The following LRRC20 variants were observed in gnomAD, a reference collection of about 807,000 sequenced individuals.
LRRC20 encodes the protein leucine rich repeat containing 20.
LRRC20 carries 11 observed loss-of-function variants against 14.4 expected under a neutral mutation model. The observed-to-expected ratio is 0.77, with a 90% CI of 0.48 to 1.27. The LOEUF is 1.27. LRRC20 is among the 50% of genes most tolerant of loss of function. LRRC20 has a pLI of 0.00. For synonymous variants in LRRC20, 121 were observed against 107.3 expected (o/e 1.13, Z -0.79); for missense variants, 219 against 251.2 (o/e 0.87, Z 0.87).
At chr10:70,334,807 C>T (rs1032086922) in intron 3 of LRRC20, among the ~76,000 whole-genome samples, 6 of 152,212 alleles carry the variant, frequency 3.9e-5, no homozygotes, top group Admixed American at 2.6e-4. Flanking sequence ...GCGTGGCCCC[C>T]TCTGGCACCA....
chr10:70,326,385 G>A (rs1156661881), intron 3 of LRRC20, among the ~76,000 whole-genome samples: 1 of 151,786 alleles, frequency 6.6e-6, no homozygotes, highest in East Asian at 1.9e-4. Context: ...CAGCACACTG[G>A]GGTTCTTGGG....
intron 2 of LRRC20, among the ~76,000 whole-genome samples, chr10:70,347,078 G>A (rs1342045470): frequency 6.6e-6 from 1 of 152,102 alleles, no homozygotes; most frequent in African/African-American, 2.4e-5. Flanking sequence ...TAGAGACAGT[G>A]TTTCACCATG....
At chr10:70,352,748 C>T (rs11596954) in intron 2 of LRRC20, among the ~76,000 whole-genome samples, 1 of 152,120 alleles carries the variant, frequency 6.6e-6, no homozygotes, top group Admixed American at 6.6e-5. Context: ...ACCTAACACT[C>T]CCCTTTAAAA....
chr10:70,349,190 C>T (rs976676410), intron 2 of LRRC20, among the ~76,000 whole-genome samples: 4 of 152,202 alleles, frequency 2.6e-5, no homozygotes, highest in Non-Finnish European at 5.9e-5. Flanking sequence ...GACGTGAGGA[C>T]CGCATCAAGC....
chr10:70,301,245 G>GCCCCCC lies in LRRC20; in HGVS notation c.*108_*109insGGGGGG. ...CACCCCACCCACCACGTGCTGCTCGGCCCACCCGCCCCCAGCCCCCAGGCT... is the reference window on the plus strand; with the variant it reads ...CACCCCACCCACCACGTGCTGCTCGGCCCCCCCCCACCCGCCCCCAGCCCCCAGGCT... On this transcript the variant is annotated 3_prime_UTR_variant, in exon 5 of 5. Coordinates refer to ENST00000446961, the MANE Select transcript of LRRC20 (RefSeq NM_001278212.2). The GCCCCCC allele has an allele frequency of 2.0e-6, 3 of 1,465,176 alleles. No homozygotes were observed. Among genetic ancestry groups the GCCCCCC allele is most frequent in the Non-Finnish European group, 9.0e-7 (1 of 1,112,532 alleles). The allele number at this position is 1,465,176 out of a possible 1,614,324, so 90.8% of individuals were successfully genotyped here.
intron 2 of LRRC20, among the ~76,000 whole-genome samples, chr10:70,356,268 T>C (rs1034210298): frequency 6.6e-6 from 1 of 152,156 alleles, no homozygotes; most frequent in Non-Finnish European, 1.5e-5. Flanking sequence ...CCCAAGCACT[T>C]TGGGAGGCCA....
intron 4 of LRRC20, among the ~76,000 whole-genome samples, chr10:70,312,329 T>C (rs1240809479): frequency 2.0e-5 from 3 of 152,142 alleles, no homozygotes; most frequent in East Asian, 1.9e-4. Flanking sequence ...TGTGGTAACC[T>C]GGCAGGGACA....
At position 70,301,321 on chromosome 10, in the gene LRRC20, T is replaced by C; in HGVS notation, c.*33A>G. ...TCCAGGGTTCCAGGCCTGTGGCCTC[T>C]GCCCCTTGCTGGGTGGGCATGAGGA... On this transcript the variant is annotated 3_prime_UTR_variant, in exon 5 of 5. Coordinates refer to ENST00000446961, the MANE Select transcript of LRRC20 (RefSeq NM_001278212.2). 2 of 1,598,818 alleles carry C rather than the reference T, an allele frequency of 1.3e-6. No individual in the cohort carries two copies. Among genetic ancestry groups the C allele is most frequent in the Non-Finnish European group, 1.7e-6 (2 of 1,172,986 alleles).
chr10:70,344,598 G>A (rs1030232856), intron 2 of LRRC20, among the ~76,000 whole-genome samples: 5 of 152,076 alleles, frequency 3.3e-5, no homozygotes, highest in Admixed American at 6.5e-5. Context: ...ACAGGGTCTC[G>A]CTCTGTCACC....
rs1842062693 is a variant in LRRC20 at position 70,321,107 on chromosome 10, G to T, written c.400+2756C>A. Among the ~76,000 whole-genome samples, 3 of 152,140 alleles carry T rather than the reference G, an allele frequency of 2.0e-5. No individual in the cohort carries two copies. In the South Asian group the frequency reaches 6.3e-4, roughly 32 times the overall value. The stretch of plus-strand genomic sequence containing the variant: ...TTCTCCACTTACTAAAGCTTTAAAG[G>T]CCACTCATGCATCTCAAATTTATTT... On this transcript the variant is annotated intron_variant, in intron 4 of 4. Transcript: ENST00000446961.
At chr10:70,328,031 C>G (rs1266142744) in intron 3 of LRRC20, among the ~76,000 whole-genome samples, 1 of 152,148 alleles carries the variant, frequency 6.6e-6, no homozygotes, top group Non-Finnish European at 1.5e-5. Context: ...AGAGGAGAAC[C>G]AGGAAGGACC....
At chr10:70,357,238 G>A (rs1904585) in intron 2 of LRRC20, among the ~76,000 whole-genome samples, 83,371 of 152,076 alleles carry the variant, frequency 0.55, 23,963 homozygotes, top group Non-Finnish European at 0.63. Context: ...CATGGTACAG[G>A]GTTTCTTTTT....
At position 70,340,680 on chromosome 10, in the gene LRRC20, G is replaced by A. The variant is rs1202665524; in HGVS notation, c.105C>T (p.Val35=). The change falls in exon 3 of 5, where the codon GTC becomes GTT. Residue 35 remains valine (V), a synonymous_variant. Coordinates refer to ENST00000446961, the MANE Select transcript of LRRC20 (RefSeq NM_001278212.2). ...CCTTGTAGATGCCAATGGGAAAGGA[G>A]ACCAGCTTGCACTCGGCCAGGTCTG... ...DTLDLAECKL[V]SFPIGIYKVL... The A allele has an allele frequency of 1.2e-6, 2 of 1,614,184 alleles. No homozygotes were observed. Among genetic ancestry groups the A allele is most frequent in the Admixed American group, 3.3e-5 (2 of 60,024 alleles).
At chr10:70,359,160 T>C (rs555076015) in intron 2 of LRRC20, among the ~76,000 whole-genome samples, 5 of 152,164 alleles carry the variant, frequency 3.3e-5, no homozygotes, top group Non-Finnish European at 1.5e-5. Context: ...TGTGGCTGTA[T>C]CTACACAGAA....
intron 2 of LRRC20, among the ~76,000 whole-genome samples, chr10:70,350,844 T>TCTTC (rs1246916131): frequency 6.6e-6 from 1 of 152,156 alleles, no homozygotes; most frequent in African/African-American, 2.4e-5. Flanking sequence ...ATCTCAGGGT[T>TCTTC]AGGAGACCGG....
Position 70,338,382 on chromosome 10 carries a change from G to A in LRRC20, c.232+2171C>T, listed in dbSNP as rs1008760087. On this transcript the variant is annotated intron_variant, in intron 3 of 4. Transcript: ENST00000446961. The stretch of plus-strand genomic sequence containing the variant: ...TCAGCCCTATGAGATAGGCTTGCTC[G>A]GGTCCCTCATGCATCATCAGCATTT... Among the ~76,000 whole-genome samples, 12 of 152,252 alleles carry A rather than the reference G, an allele frequency of 7.9e-5. No individual in the cohort carries two copies. In the South Asian group the frequency reaches 1.0e-3, roughly 13 times the overall value.
chr10:70,366,995 A>G (rs946867236), intron 2 of LRRC20, among the ~76,000 whole-genome samples: 5 of 152,144 alleles, frequency 3.3e-5, no homozygotes, highest in Non-Finnish European at 1.5e-5. Context: ...TGTACAACCC[A>G]GCAATCCTAC....
At chr10:70,334,973 C>T (rs1842671310) in intron 3 of LRRC20, among the ~76,000 whole-genome samples, 1 of 152,182 alleles carries the variant, frequency 6.6e-6, no homozygotes, top group African/African-American at 2.4e-5. Context: ...GCCCAGTGAG[C>T]AGCCAGGAGC....
At chr10:70,327,179 C>G (rs1422751978) in intron 3 of LRRC20, among the ~76,000 whole-genome samples, 1 of 152,210 alleles carries the variant, frequency 6.6e-6, no homozygotes, top group Non-Finnish European at 1.5e-5. Context: ...TATTTATCAA[C>G]TTGAGTAGGC....
Sources: allele counts gnomAD v4.1 joint callset (sites outside exome capture counted in the v4.1 genomes callset), GRCh38; gene constraint gnomAD v4.1.1; transcripts MANE v1.5; gene names NCBI Gene and HGNC (gene_info 2026-07-23, HGNC 2026-07-21).